TSGA10: variants seen among roughly 807,000 people sequenced by gnomAD.
TSGA10 encodes testis-specific gene 10 protein.
Under a neutral mutation model 96.6 loss-of-function variants are expected in TSGA10, and 43 were observed. That is an observed-to-expected ratio of 0.44 (90% CI 0.35 to 0.57). The LOEUF (loss-of-function observed/expected upper bound fraction) is 0.57. TSGA10 is among the 20% of genes least tolerant of loss of function. The pLI, the probability that TSGA10 is intolerant of heterozygous loss-of-function variation, is 0.01. For synonymous variants in TSGA10, 229 were observed against 269.9 expected, an observed-to-expected ratio of 0.85 and a Z score of 1.48; for missense variants, 703 against 834.4, an observed-to-expected ratio of 0.84 and a Z score of 1.94.
chr2:99,128,953 G>T (rs902516632), intron 1 of TSGA10, among the ~76,000 whole-genome samples: 1 of 152,148 alleles, frequency 6.6e-6, no homozygotes, highest in East Asian at 1.9e-4. Flanking sequence ...TCCCTATGCT[G>T]CCCTGGCTGG....
chr2:99,106,135 A>T (rs917025319), intron 7 of TSGA10, among the ~76,000 whole-genome samples: 1 of 152,152 alleles, frequency 6.6e-6, no homozygotes, highest in African/African-American at 2.4e-5. Flanking sequence ...AGAAAGGCCC[A>T]CCAATCCTTA....
At chr2:99,083,499 G>A (rs1004072860) in intron 10 of TSGA10, among the ~76,000 whole-genome samples, 5 of 152,068 alleles carry the variant, frequency 3.3e-5, no homozygotes, top group African/African-American at 4.8e-5. Context: ...ATGGAGAATT[G>A]AGCCCTACCA....
At chr2:99,052,750 A>G (rs1174489869) in intron 16 of TSGA10, among the ~76,000 whole-genome samples, 2 of 151,346 alleles carry the variant, frequency 1.3e-5, no homozygotes, top group East Asian at 3.9e-4. Context: ...TTTAAAAAAA[A>G]AAATTAAAAT....
At chr2:99,031,493 T>C (rs2081129753) in intron 17 of TSGA10, among the ~76,000 whole-genome samples, 1 of 152,042 alleles carries the variant, frequency 6.6e-6, no homozygotes, top group Admixed American at 6.6e-5. Context: ...AAAGGAAAAT[T>C]TATAAATGCG....
intron 4 of TSGA10, among the ~76,000 whole-genome samples, chr2:99,113,883 C>G (rs2092020525): frequency 6.6e-6 from 1 of 152,104 alleles, no homozygotes; most frequent in Non-Finnish European, 1.5e-5. Flanking sequence ...AACAGTGAAC[C>G]AGAACAACCC....
intron 20 of TSGA10, among the ~76,000 whole-genome samples, chr2:98,999,401 G>C (rs1031377695): frequency 1.3e-5 from 2 of 152,126 alleles, no homozygotes; most frequent in Non-Finnish European, 2.9e-5. Context: ...GGCAAAACTA[G>C]AGAGGCAGGA....
At chr2:99,105,318 G>C in intron 9 of TSGA10, 41 bp downstream of exon 9, 2 of 1,530,780 alleles carry the variant, frequency 1.3e-6, no homozygotes, top group Non-Finnish European at 1.8e-6. Context: ...GCCATTGAGT[G>C]TTTATAGCCA....
chr2:99,054,716 C>G (rs931958158), intron 16 of TSGA10, among the ~76,000 whole-genome samples: 1 of 152,104 alleles, frequency 6.6e-6, no homozygotes, highest in Non-Finnish European at 1.5e-5. Flanking sequence ...CAAAAGAAGT[C>G]ATACAACTGG....
At chr2:99,085,608 T>C (rs1405253792) in intron 10 of TSGA10, among the ~76,000 whole-genome samples, 1 of 60,864 alleles carries the variant, frequency 1.6e-5, no homozygotes. Context: ...AATCCTGTCT[T>C]TAAAAAAAAA....
rs144627533 is a variant in TSGA10 at position 99,090,560 on chromosome 2, A to C, written c.612-9163T>G. Among the ~76,000 whole-genome samples the C allele has an allele frequency of 2.3e-3, 356 of 152,276 alleles. 1 individual carries two copies. The highest frequency in any genetic ancestry group is 8.2e-3 in the African/African-American group (340 of 41,540). On this transcript the variant is annotated intron_variant, in intron 10 of 20. Transcript: ENST00000393483. ...ATATGAGGGAAGAAATCTTCAGTGA[A>C]ATAGGTAGTATAAATAAAAAACAAT...
At chr2:99,140,966 A>G (rs1275455802) in intron 1 of TSGA10, 1 of 698,266 alleles carries the variant, frequency 1.4e-6, no homozygotes, top group East Asian at 1.3e-4. Context: ...CTAGCGCCCA[A>G]CTCCGCCCGC....
chr2:99,050,119 A>T (rs1022417687), intron 16 of TSGA10, among the ~76,000 whole-genome samples: 3 of 152,132 alleles, frequency 2.0e-5, no homozygotes, highest in African/African-American at 7.2e-5. Context: ...AAAGAGACAA[A>T]CTCAAAGCCA....
intron 10 of TSGA10, among the ~76,000 whole-genome samples, chr2:99,086,211 AAC>A (rs2088350521): frequency 6.6e-6 from 1 of 152,220 alleles, no homozygotes; most frequent in Non-Finnish European, 1.5e-5. Flanking sequence ...CAAACCAAAA[AAC>A]ACAATTGTAT....
intron 4 of TSGA10, among the ~76,000 whole-genome samples, chr2:99,113,718 T>C (rs970897260): frequency 1.3e-5 from 2 of 152,128 alleles, no homozygotes; most frequent in South Asian, 2.1e-4. Context: ...GCTAGTTTTT[T>C]GTATTTTTAG....
chr2:99,030,263 C>A lies in TSGA10; in HGVS notation c.1614+4967G>T, dbSNP rs545132189. ...TCGGGAGGTTGAGGCAGGAGAATCA[C>A]TTCAACCTGGGAGGTGGAGGTTGCA... On this transcript the variant is annotated intron_variant, in intron 17 of 20. Transcript: ENST00000393483. Among the ~76,000 whole-genome samples the A allele has an allele frequency of 6.6e-5, 10 of 152,284 alleles. No individual in the cohort carries two copies. In the East Asian group the frequency reaches 1.9e-3, roughly 29 times the overall value.
At chr2:99,015,422 A>G (rs1313724068) in intron 20 of TSGA10, among the ~76,000 whole-genome samples, 1 of 152,174 alleles carries the variant, frequency 6.6e-6, no homozygotes, top group African/African-American at 2.4e-5. Context: ...CAGAAAAAGC[A>G]TTTGACAAAA....
At chr2:99,023,022 T>A (rs922998657) in intron 17 of TSGA10, among the ~76,000 whole-genome samples, 2 of 152,164 alleles carry the variant, frequency 1.3e-5, no homozygotes, top group African/African-American at 4.8e-5. Flanking sequence ...GTTGGGTTAT[T>A]AAGTTTTTTG....
At chr2:99,120,514 G>A (rs199891901) in intron 2 of TSGA10, among the ~76,000 whole-genome samples, 2 of 152,112 alleles carry the variant, frequency 1.3e-5, no homozygotes, top group East Asian at 3.8e-4. Flanking sequence ...AGAATGCCTA[G>A]AATTTGCAGA....
At chr2:99,141,072 G>C (rs778183470) in intron 1 of TSGA10, 41 of 1,280,940 alleles carry the variant, frequency 3.2e-5, no homozygotes, top group Non-Finnish European at 4.2e-5. Context: ...GCGCACCTCC[G>C]CAGCTTCTAC....
Sources: gnomAD v4.1 joint callset for allele counts (sites outside exome capture counted in the v4.1 genomes callset) on GRCh38, gnomAD v4.1.1 for gene constraint, MANE v1.5 for transcripts, NCBI Gene and HGNC (gene_info 2026-07-23, HGNC 2026-07-21) for gene names.